PHLPP2: variants seen among roughly 807,000 people sequenced by gnomAD.
The protein encoded by PHLPP2 is PH domain leucine-rich repeat-containing protein phosphatase 2.
Under a neutral mutation model 124.9 loss-of-function variants are expected in PHLPP2, and 66 were observed. The ratio of observed to expected loss-of-function variants is 0.53; its 90% confidence interval spans 0.43 to 0.65. The LOEUF (loss-of-function observed/expected upper bound fraction) is 0.65. Among genes scored for constraint, PHLPP2 ranks in the 30% least tolerant of loss-of-function variants. PHLPP2 has a pLI of 0.00. For missense variants in PHLPP2, 1,685 were observed against 1,600.4 expected, an observed-to-expected ratio of 1.05 and a Z score of -0.90; for synonymous variants, 681 against 624.7, an observed-to-expected ratio of 1.09 and a Z score of -1.34.
chr16:71,698,607 C>T (rs571883546), intron 3 of PHLPP2: 4 of 615,208 alleles, frequency 6.5e-6, no homozygotes, highest in Non-Finnish European at 1.2e-5. Flanking sequence ...ATACAAGAAA[C>T]AGGCTGAGTA....
At chr16:71,698,218 G>A (rs1048337094) in intron 3 of PHLPP2, among the ~76,000 whole-genome samples, 28 of 152,240 alleles carry the variant, frequency 1.8e-4, no homozygotes, top group African/African-American at 5.8e-4. Context: ...AGCAGGGCCC[G>A]CCACTTGTCC....
In PHLPP2 at chr16:71,646,657, T is replaced by A. The variant is rs1338996227; in HGVS notation, c.*2233A>T. 1.3e-5 allele frequency: 2 copies of A among 149,006 alleles called. No homozygotes were observed. Among genetic ancestry groups the A allele is most frequent in the Non-Finnish European group, 3.0e-5 (2 of 67,264 alleles). 9.2% of individuals were successfully genotyped at this position (149,006 alleles called of 1,614,324 possible). Reference sequence around the variant, plus strand: ...TGCCATCTAAGTAAGATGTTTTACATCACTCATCACTATCATCCTGTTATT... The same window carrying A: ...TGCCATCTAAGTAAGATGTTTTACAACACTCATCACTATCATCCTGTTATT... On this transcript the variant is annotated 3_prime_UTR_variant, in exon 19 of 19. Coordinates refer to ENST00000568954, the MANE Select transcript of PHLPP2 (RefSeq NM_015020.3).
At chr16:71,671,489 C>G (rs989881156) in intron 10 of PHLPP2, among the ~76,000 whole-genome samples, 5 of 151,956 alleles carry the variant, frequency 3.3e-5, no homozygotes, top group Non-Finnish European at 7.4e-5. Context: ...AACTCTACCG[C>G]TGAACCCAGA....
At chr16:71,723,462 G>T in intron 1 of PHLPP2, 1 of 154,484 alleles carries the variant, frequency 6.5e-6, no homozygotes, top group Non-Finnish European at 1.4e-5. Context: ...GCGGCGAAGG[G>T]TCCGGGTGGG....
intron 17 of PHLPP2, among the ~76,000 whole-genome samples, 180 bp from the exon 18 acceptor site, chr16:71,653,201 G>T (rs1346355552): frequency 6.7e-6 from 1 of 148,942 alleles, no homozygotes; most frequent in African/African-American, 2.5e-5. Context: ...AGACAGTTCT[G>T]CCTTCCACTC....
intron 12 of PHLPP2, among the ~76,000 whole-genome samples, chr16:71,665,208 C>G (rs954978180): frequency 6.6e-6 from 1 of 152,000 alleles, no homozygotes; most frequent in East Asian, 1.9e-4. Context: ...ACTTGGGAGG[C>G]TGAGGCAGGA....
chr16:71,655,909 A>G (rs2044738600), intron 16 of PHLPP2, among the ~76,000 whole-genome samples: 1 of 152,236 alleles, frequency 6.6e-6, no homozygotes, highest in African/African-American at 2.4e-5. Context: ...GAAAGAGCTA[A>G]TGTCCTAAGG....
At chr16:71,719,146 C>G (rs1191588012) in intron 1 of PHLPP2, among the ~76,000 whole-genome samples, 1 of 152,208 alleles carries the variant, frequency 6.6e-6, no homozygotes, top group African/African-American at 2.4e-5. Flanking sequence ...TCCCCTTACT[C>G]TTATAGAATT....
At chr16:71,665,329 T>G (rs1323091689) in intron 12 of PHLPP2, among the ~76,000 whole-genome samples, 1 of 152,040 alleles carries the variant, frequency 6.6e-6, no homozygotes, top group Non-Finnish European at 1.5e-5. Context: ...AAACTATACT[T>G]CCACAAGAAG....
chr16:71,670,620 A>C (rs1399858261), intron 10 of PHLPP2, among the ~76,000 whole-genome samples: 2 of 150,578 alleles, frequency 1.3e-5, no homozygotes, highest in Non-Finnish European at 2.9e-5. Flanking sequence ...AGTTAGGGGG[A>C]TTGTGAGGTA....
chr16:71,653,098 T>A (rs1431508416), intron 17 of PHLPP2, 77 bp from the exon 18 acceptor site: 3 of 643,966 alleles, frequency 4.7e-6, no homozygotes, highest in Non-Finnish European at 7.4e-6. Context: ...GTACATCCCT[T>A]CTTTTTTTTT....
intron 18 of PHLPP2, among the ~76,000 whole-genome samples, chr16:71,650,597 A>G (rs2044689083): frequency 6.6e-6 from 1 of 152,256 alleles, no homozygotes; most frequent in Admixed American, 6.5e-5. Context: ...TCAAGAATAA[A>G]TAGCGATCAA....
chr16:71,655,790 A>G (rs8053745), intron 16 of PHLPP2, among the ~76,000 whole-genome samples: 129,898 of 152,118 alleles, frequency 0.85, 55,616 homozygotes, highest in East Asian at 0.99. Context: ...GCGCCTGGCC[A>G]GGAGCATTCT....
chr16:71,664,367 C>A (rs996855404), intron 12 of PHLPP2, among the ~76,000 whole-genome samples: 3 of 152,186 alleles, frequency 2.0e-5, no homozygotes, highest in Non-Finnish European at 4.4e-5. Context: ...AACCTAACTT[C>A]ATCTTTTACT....
intron 15 of PHLPP2, among the ~76,000 whole-genome samples, chr16:71,656,951 A>G (rs1026594571): frequency 6.7e-6 from 1 of 149,128 alleles, no homozygotes; most frequent in East Asian, 2.0e-4. Context: ...TATTTTATTT[A>G]TTTATTTTTT....
intron 6 of PHLPP2, among the ~76,000 whole-genome samples, chr16:71,681,228 G>A (rs12447672): frequency 0.1 from 15,677 of 152,078 alleles, 992 homozygotes; most frequent in Middle Eastern, 0.2. Context: ...GTGTGGGAAT[G>A]GGGTATATAT....
intron 3 of PHLPP2, among the ~76,000 whole-genome samples, chr16:71,697,288 C>T (rs2045182271): frequency 1.3e-5 from 2 of 152,058 alleles, no homozygotes; most frequent in Admixed American, 1.3e-4. Context: ...CATCCTAGCC[C>T]ACCAGACAGG....
chr16:71,668,064 T>C (rs1225455829), intron 11 of PHLPP2, among the ~76,000 whole-genome samples: 2 of 152,060 alleles, frequency 1.3e-5, no homozygotes, highest in Non-Finnish European at 2.9e-5. Flanking sequence ...ATTCCCTAAT[T>C]ATTCAAATTT....
At position 71,649,975 on chromosome 16, in the gene PHLPP2, G is replaced by C; in HGVS notation, c.2887C>G (p.Leu963Val). 6.2e-7 allele frequency: 1 copy of C among 1,613,862 alleles called. No homozygotes were observed. Among genetic ancestry groups the C allele is most frequent in the Non-Finnish European group, 8.5e-7 (1 of 1,179,996 alleles). The change falls in exon 19 of 19, where the codon CTC (leucine) becomes GTC (valine). Residue 963 changes from leucine to valine, a missense_variant. Physicochemically the swap from Leu to Val is conservative, Grantham distance 32. Coordinates refer to ENST00000568954, the MANE Select transcript of PHLPP2 (RefSeq NM_015020.3). ...GTGGAAGATATGTGGGGCTTGGGGAGGATCCAAGGGTAGAGGTATGTACAG... is the reference window on the plus strand; with the variant it reads ...GTGGAAGATATGTGGGGCTTGGGGACGATCCAAGGGTAGAGGTATGTACAG... ...LGCTYLYPWI[L>V]PKPHISSTPL...
Sources: allele counts gnomAD v4.1 joint callset (sites outside exome capture counted in the v4.1 genomes callset), GRCh38; gene constraint gnomAD v4.1.1; transcripts MANE v1.5; gene names NCBI Gene and HGNC (gene_info 2026-07-23, HGNC 2026-07-21).